The following PCDHGA4 variants were observed in gnomAD, a reference collection of about 807,000 sequenced individuals.
The protein encoded by PCDHGA4 is protocadherin gamma subfamily A, 4.
PCDHGA4 carries 38 observed loss-of-function variants against 54.6 expected under a neutral mutation model. The ratio of observed to expected loss-of-function variants is 0.70; its 90% CI spans 0.54 to 0.91. The LOEUF (loss-of-function observed/expected upper bound fraction) is 0.91. Ranked by LOEUF, PCDHGA4 falls within the 40% of genes least tolerant of loss-of-function variation. The probability of loss-of-function intolerance (pLI) is 0.00; values close to 1 mark genes in which losing one functional copy is unlikely to be tolerated. For synonymous variants in PCDHGA4, 511 were observed against 512.9 expected (o/e 1.00, Z 0.05); for missense variants, 1,298 against 1,220.9 (o/e 1.06, Z -0.94).
chr5:141,498,078 G>A (rs1165770641), intron 2 of PCDHGA4, among the ~76,000 whole-genome samples: 6 of 152,194 alleles, frequency 3.9e-5, no homozygotes, highest in African/African-American at 1.4e-4. Flanking sequence ...ATAAGTGCTA[G>A]GTAGAATTGT....
In PCDHGA4 at chr5:141,403,896, A is replaced by T. The variant is rs2094466164; in HGVS notation, c.2514+46275A>T. 6.2e-7 allele frequency: 1 copy of T among 1,613,866 alleles called. No individual in the cohort carries two copies. On this transcript the variant is annotated intron_variant, in intron 1 of 3. Transcript: ENST00000571252. The stretch of plus-strand genomic sequence containing the variant: ...CTAGATTATGAAGAATGTTCATTTT[A>T]TGAAATGGAAATACAAGCTGAAGAT...
At chr5:141,389,055 A>G in intron 1 of PCDHGA4, 1 of 1,613,996 alleles carries the variant, frequency 6.2e-7, no homozygotes, top group South Asian at 1.1e-5. Context: ...TGTTCCATTT[A>G]AAATATTAAC....
At position 141,510,973 on chromosome 5, in the gene PCDHGA4, G is replaced by A. The variant is rs1448442252; in HGVS notation, c.2689G>A (p.Gly897Arg). 2 of 1,614,042 alleles carry A rather than the reference G, an allele frequency of 1.2e-6. No individual in the cohort carries two copies. Among genetic ancestry groups the A allele is most frequent in the East Asian group, 2.2e-5 (1 of 44,894 alleles). ...AGCTGCTGATGGGAGCTCCACCCTG[G>A]GAGGGGGTGCCGGCACCATGGGATT... ...SEAADGSSTL[G>R]GGAGTMGLSA... Residue 897 changes from glycine (G) to arginine (R), a missense_variant, in exon 4 of 4, where the codon GGA (glycine) becomes AGA (arginine). Gly to Arg is a moderately radical substitution (Grantham distance 125). Transcript: ENST00000571252.
At chr5:141,394,821 G>A (rs2093106496) in intron 1 of PCDHGA4, 2 of 1,613,744 alleles carry the variant, frequency 1.2e-6, no homozygotes, top group East Asian at 2.2e-5. Flanking sequence ...CAGCATCCCC[G>A]AAGTCCTGAC....
At chr5:141,409,639 G>T (rs948112966) in intron 1 of PCDHGA4, 2 of 1,613,760 alleles carry the variant, frequency 1.2e-6, no homozygotes, top group African/African-American at 1.3e-5. Flanking sequence ...CCTCTGACCC[G>T]GATTTGGGGC....
chr5:141,437,794 G>C (rs1162440523), intron 1 of PCDHGA4, among the ~76,000 whole-genome samples: 1 of 150,526 alleles, frequency 6.6e-6, no homozygotes, highest in Non-Finnish European at 1.5e-5. Context: ...CTGGAGTGCA[G>C]TGGCACTATC....
intron 1 of PCDHGA4, among the ~76,000 whole-genome samples, chr5:141,483,709 G>A (rs1486825412): frequency 1.3e-5 from 2 of 152,036 alleles, no homozygotes; most frequent in Non-Finnish European, 2.9e-5. Flanking sequence ...TTTGACACCA[G>A]AATATTGGTT....
chr5:141,460,592 G>C (rs796171299), intron 1 of PCDHGA4, among the ~76,000 whole-genome samples: 12 of 151,976 alleles, frequency 7.9e-5, no homozygotes, highest in African/African-American at 2.9e-4. Flanking sequence ...GTTTTTTCTG[G>C]GCTCTCTGTG....
Position 141,355,359 on chromosome 5 carries a change from G to T in PCDHGA4, c.252G>T (p.Gly84=). Residue 84 remains glycine, a synonymous_variant, in exon 1 of 4, where the codon GGG becomes GGT. Coordinates refer to ENST00000571252, the MANE Select transcript of PCDHGA4 (RefSeq NM_018917.4). ...SVVGNIAKDL[G]LAPRELAERG... ...TGGGCAACATCGCCAAGGACCTGGG[G>T]TTGGCGCCCCGGGAGCTGGCGGAGC... is the stretch of plus-strand genomic sequence containing the variant. The T allele has an allele frequency of 6.2e-7, 1 of 1,614,048 alleles. No individual in the cohort carries two copies. Among genetic ancestry groups the T allele is most frequent in the African/African-American group, 1.3e-5 (1 of 75,066 alleles).
intron 1 of PCDHGA4, chr5:141,366,727 A>G: frequency 1.2e-6 from 2 of 1,613,036 alleles, no homozygotes; most frequent in Non-Finnish European, 1.7e-6. Context: ...AGGTAGATGC[A>G]AACAAAGAAG....
At chr5:141,362,879 A>T (rs1762711242) in intron 1 of PCDHGA4, among the ~76,000 whole-genome samples, 1 of 152,216 alleles carries the variant, frequency 6.6e-6, no homozygotes, top group African/African-American at 2.4e-5. Context: ...TGTTATTCAA[A>T]TTTTAGTTTT....
At position 141,489,585 on chromosome 5, in the gene PCDHGA4, G is replaced by A; in HGVS notation, c.2515-5222G>A. 3 of 1,614,090 alleles carry A rather than the reference G, an allele frequency of 1.9e-6. No individual in the cohort carries two copies. Among genetic ancestry groups the A allele is most frequent in the Non-Finnish European group, 2.5e-6 (3 of 1,180,004 alleles). The stretch of plus-strand genomic sequence containing the variant: ...AGGTGGTGACTGAACACCCCCTGGA[G>A]CTAATCCGTGTAGAGGTAGAGATCC... On this transcript the variant is annotated intron_variant, in intron 1 of 3. Coordinates refer to ENST00000571252, the MANE Select transcript of PCDHGA4 (RefSeq NM_018917.4). The surrounding 1 kb of genome is among the most constrained non-coding windows in gnomAD (Gnocchi z 4.5).
intron 1 of PCDHGA4, chr5:141,361,981 C>A (rs370897399): frequency 1.4e-4 from 232 of 1,601,314 alleles, no homozygotes; most frequent in Non-Finnish European, 1.8e-4. Context: ...CGAGCCCGGG[C>A]TCTTCAGCCT....
At chr5:141,362,193 A>G (rs747599782) in intron 1 of PCDHGA4, 54 of 1,613,866 alleles carry the variant, frequency 3.3e-5, no homozygotes, top group Middle Eastern at 1.6e-4. Flanking sequence ...ACCCCCAGGC[A>G]AAACTGCAGT....
chr5:141,355,133 ATCCTG>A lies in PCDHGA4; in HGVS notation c.27_31del (p.Asp9GlufsTer58). ...ATGCACTTTATTTTGGACCCAGAAG[ATCCTG>A]GGGCTCCTCAGGCCTCGACAGAGGG... On this transcript the variant is annotated frameshift_variant, in exon 1 of 4. Coordinates refer to ENST00000571252, the MANE Select transcript of PCDHGA4 (RefSeq NM_018917.4). LOFTEE classifies it high-confidence loss of function. The A allele has an allele frequency of 6.6e-7, 1 of 1,521,784 alleles. No homozygotes were observed. Among genetic ancestry groups the A allele is most frequent in the East Asian group, 2.3e-5 (1 of 44,126 alleles). 94.3% of individuals were successfully genotyped at this position (1,521,784 alleles called of 1,614,324 possible).
intron 1 of PCDHGA4, chr5:141,392,892 G>A (rs2092623669): frequency 6.2e-7 from 1 of 1,613,702 alleles, no homozygotes; most frequent in Non-Finnish European, 8.5e-7. Context: ...GTGGGAAATC[G>A]GGAGGGGACA....
intron 1 of PCDHGA4, among the ~76,000 whole-genome samples, chr5:141,436,809 A>T (rs2097847373): frequency 6.6e-6 from 1 of 152,242 alleles, no homozygotes; most frequent in Non-Finnish European, 1.5e-5. Context: ...TTTTTGTGAC[A>T]GCTGGTTTAA....
chr5:141,410,980 A>G (rs2095454359), intron 1 of PCDHGA4: 1 of 175,670 alleles, frequency 5.7e-6, no homozygotes, highest in South Asian at 1.4e-4. Context: ...CAGCCTCCCA[A>G]GTAGCTGGGA....
chr5:141,392,690 G>T, intron 1 of PCDHGA4: 1 of 1,127,490 alleles, frequency 8.9e-7, no homozygotes, highest in Non-Finnish European at 1.2e-6. Flanking sequence ...AGCGAAACCC[G>T]ACCCCTGTTT....
Sources: gnomAD v4.1 joint callset for allele counts (sites outside exome capture counted in the v4.1 genomes callset) on GRCh38, gnomAD v4.1.1 for gene constraint, Gnocchi (gnomAD v3.1) non-coding constraint, MANE v1.5 for transcripts, NCBI Gene and HGNC (gene_info 2026-07-23, HGNC 2026-07-21) for gene names.